NSD2: variants seen among roughly 807,000 people sequenced by gnomAD.
The protein encoded by NSD2 is histone-lysine N-methyltransferase NSD2.
A neutral mutation model predicts 139.0 loss-of-function variants in NSD2; 12 were observed. The ratio of observed to expected loss-of-function variants is 0.09; its 90% CI spans 0.06 to 0.14. NSD2 has a LOEUF of 0.14. Among genes scored for constraint, NSD2 ranks in the 10% least tolerant of loss-of-function variants. The pLI, the probability that NSD2 is intolerant of heterozygous loss-of-function variation, is 1.00. For missense variants in NSD2, 1,155 were observed against 1,745.0 expected, an observed-to-expected ratio of 0.66 and a Z score of 6.02; for synonymous variants, 669 against 648.7, an observed-to-expected ratio of 1.03 and a Z score of -0.48.
chr4:1,954,994 G>T (rs1724654581), intron 12 of NSD2, among the ~76,000 whole-genome samples, 167 bp from the exon 13 acceptor site: 1 of 152,212 alleles, frequency 6.6e-6, no homozygotes, highest in African/African-American at 2.4e-5. Context: ...TCTCAAACAT[G>T]GTTTTGAAGC....
In NSD2 at chr4:1,943,885, A is replaced by G. The variant is rs751014140; in HGVS notation, c.1881+4107A>G. The G allele has an allele frequency of 3.7e-5, 39 of 1,063,360 alleles. No individual in the cohort carries two copies. The Middle Eastern group carries it at 1.2e-3, about 34-fold the overall frequency. 65.9% of individuals were successfully genotyped at this position (1,063,360 alleles called of 1,614,324 possible). On this transcript the variant is annotated intron_variant, in intron 9 of 21. Coordinates refer to ENST00000508803, the MANE Select transcript of NSD2 (RefSeq NM_001042424.3). ...GAAATTACAGCATGATGAATTTTGC[A>G]TGGGTGGCCAGCCAGCTAGCCCATA...
intron 11 of NSD2, chr4:1,952,862 A>G: frequency 7.6e-7 from 1 of 1,315,858 alleles, no homozygotes; most frequent in Non-Finnish European, 9.7e-7. Flanking sequence ...CTCACGTCAG[A>G]ACACTTCCTG....
intron 9 of NSD2, chr4:1,940,800 C>T (rs1421686547): frequency 9.4e-7 from 1 of 1,058,410 alleles, no homozygotes; most frequent in Non-Finnish European, 1.1e-6. Context: ...CAGTTGTTTC[C>T]ACTCATTAGA....
In NSD2 at chr4:1,908,257, G is replaced by A. The variant is rs1482127978; in HGVS notation, c.760+3879G>A. ...CAGAAAGGCCAGGTTGGATCTCACA[G>A]TTGGAACCTTGAAAGGTAGCTTTGG... On this transcript the variant is annotated intron_variant, in intron 3 of 21. Coordinates refer to ENST00000508803, the MANE Select transcript of NSD2 (RefSeq NM_001042424.3). Among the ~76,000 whole-genome samples, 12 of 152,350 alleles carry A rather than the reference G, an allele frequency of 7.9e-5. No individual in the cohort carries two copies. The East Asian group carries it at 2.1e-3, about 27-fold the overall frequency.
At chr4:1,884,155 G>GCC (rs1483031049) in intron 1 of NSD2, among the ~76,000 whole-genome samples, 32 of 151,612 alleles carry the variant, frequency 2.1e-4, no homozygotes, top group East Asian at 5.8e-4. Context: ...GAGTGCAGTG[G>GCC]CATGATCTTG....
chr4:1,955,373 C>T lies in NSD2; in HGVS notation c.2518+33C>T. 1 of 1,582,784 alleles carries T rather than the reference C, an allele frequency of 6.3e-7. No homozygotes were observed. The highest frequency in any genetic ancestry group is 8.6e-7 in the Non-Finnish European group (1 of 1,160,862). On this transcript the variant is annotated intron_variant, in intron 13 of 21. Coordinates refer to ENST00000508803, the MANE Select transcript of NSD2 (RefSeq NM_001042424.3). The surrounding 1 kb of genome is among the most constrained non-coding windows in gnomAD (Gnocchi z 4.7). The stretch of plus-strand genomic sequence containing the variant: ...GCCTGGGGGTGTCTGCGGCACACGC[C>T]TCTCACACTCCCAGGAGCCACATAT...
In NSD2 at chr4:1,918,195, C is replaced by G. The variant is rs761932000; in HGVS notation, c.982C>G (p.Gln328Glu). The G allele has an allele frequency of 1.9e-6, 3 of 1,612,956 alleles. No homozygotes were observed. Among genetic ancestry groups the G allele is most frequent in the Non-Finnish European group, 2.5e-6 (3 of 1,179,904 alleles). The change falls in exon 5 of 22, where the codon CAA (glutamine) becomes GAA (glutamate). Residue 328 changes from glutamine to glutamate, a missense_variant. By Grantham distance (29) the Gln-to-Glu change is conservative (BLOSUM62 2). This residue lies in a region of NSD2 where 420 missense variants were observed against 469.0 expected (regional missense o/e 0.90). Coordinates refer to ENST00000508803, the MANE Select transcript of NSD2 (RefSeq NM_001042424.3). ...LRAQWEMGIV[Q>E]AEEAASMSVE... ...GGCCCAGTGGGAAATGGGCATTGTT[C>G]AAGCAGAAGAAGCTGCAAGCATGTC...
intron 1 of NSD2, chr4:1,892,277 CA>C (rs1276161506): frequency 6.6e-6 from 1 of 151,904 alleles, no homozygotes; most frequent in Non-Finnish European, 1.5e-5. Context: ...TGAGCCCCCA[CA>C]CCCGGCCTGA....
At position 1,959,611 on chromosome 4, in the gene NSD2, C is replaced by T. The variant is rs886059318; in HGVS notation, c.3126C>T (p.His1042=). ...ACAGGATGCTGATGTTTGAGTGCCA[C>T]CCGCAGGTGTGTCCCGCGGGCGAGT... ...CLNRMLMFEC[H]PQVCPAGEFC... The change falls in exon 17 of 22, where the codon CAC becomes CAT. Residue 1042 remains histidine (H), a synonymous_variant. Coordinates refer to ENST00000508803, the MANE Select transcript of NSD2 (RefSeq NM_001042424.3). 6.2e-7 allele frequency: 1 copy of T among 1,614,054 alleles called. No homozygotes were observed. Among genetic ancestry groups the T allele is most frequent in the Non-Finnish European group, 8.5e-7 (1 of 1,180,034 alleles).
chr4:1,974,666 G>T lies in NSD2; in HGVS notation c.3373-197G>T. On this transcript the variant is annotated intron_variant, in intron 18 of 21. Coordinates refer to ENST00000508803, the MANE Select transcript of NSD2 (RefSeq NM_001042424.3). This position sits in a 1 kb window ranked among gnomAD's most constrained non-coding sequence, Gnocchi z 4.0. ...CACTAAGGCTCGGTCCTCTCCACGT[G>T]GTCCTGACCTGTCCTCTGTGAGCAA... 1 of 813,446 alleles carries T rather than the reference G, an allele frequency of 1.2e-6. No individual in the cohort carries two copies. The highest frequency in any genetic ancestry group is 2.5e-5 in the East Asian group (1 of 40,248). 50.4% of individuals were successfully genotyped at this position (813,446 alleles called of 1,614,324 possible).
At chr4:1,928,259 C>T (rs1183572168) in intron 5 of NSD2, among the ~76,000 whole-genome samples, 1 of 152,096 alleles carries the variant, frequency 6.6e-6, no homozygotes, top group East Asian at 1.9e-4. Context: ...TATCACATGT[C>T]AGATACCTTG....
intron 6 of NSD2, among the ~76,000 whole-genome samples, chr4:1,930,982 G>C (rs1419892156): frequency 6.6e-6 from 1 of 152,156 alleles, no homozygotes; most frequent in Non-Finnish European, 1.5e-5. Flanking sequence ...TCAATGTAGT[G>C]CCTTCTGGCC....
chr4:1,906,228 G>A (rs1297543650), intron 3 of NSD2, among the ~76,000 whole-genome samples: 2 of 152,004 alleles, frequency 1.3e-5, no homozygotes, highest in East Asian at 3.9e-4. Context: ...CTTCCTATTA[G>A]GGCTTATTAC....
chr4:1,873,642 A>C (rs1252344882), intron 1 of NSD2, among the ~76,000 whole-genome samples: 2 of 152,242 alleles, frequency 1.3e-5, no homozygotes, highest in Non-Finnish European at 2.9e-5. Flanking sequence ...TATTCAGATT[A>C]TCTTCTCCTT....
chr4:1,916,119 C>G (rs978032755), intron 3 of NSD2, among the ~76,000 whole-genome samples: 4 of 152,202 alleles, frequency 2.6e-5, no homozygotes, highest in South Asian at 2.1e-4. Flanking sequence ...TCTGAGGCCA[C>G]TGATGCTCCT....
chr4:1,873,827 A>T (rs58007182), intron 1 of NSD2, among the ~76,000 whole-genome samples: 6,343 of 152,300 alleles, frequency 0.042, 444 homozygotes, highest in African/African-American at 0.15. Flanking sequence ...TGAAGTTCAT[A>T]ATCCAAACGT....
At position 1,953,531 on chromosome 4, in the gene NSD2, G is replaced by A; in HGVS notation, c.2338+7G>A. 12 of 1,599,672 alleles carry A rather than the reference G, an allele frequency of 7.5e-6. No homozygotes were observed. Among genetic ancestry groups the A allele is most frequent in the Non-Finnish European group, 1.0e-5 (12 of 1,173,800 alleles). ...AACCCAAGGCCGTCAAAAGGTACAG[G>A]TGCACCTGCGCAGCCTTGCTGTGGG... On this transcript the variant is annotated splice_region_variant and intron_variant, in intron 12 of 21. Coordinates refer to ENST00000508803, the MANE Select transcript of NSD2 (RefSeq NM_001042424.3).
At chr4:1,904,000 C>T (rs529137247) in intron 2 of NSD2, among the ~76,000 whole-genome samples, 1 of 152,266 alleles carries the variant, frequency 6.6e-6, no homozygotes, top group African/African-American at 2.4e-5. Context: ...TCCCAAAGTG[C>T]TGGGACTACA....
At chr4:1,874,992 T>C (rs1714141942) in intron 1 of NSD2, among the ~76,000 whole-genome samples, 1 of 152,204 alleles carries the variant, frequency 6.6e-6, no homozygotes, top group South Asian at 2.1e-4. Flanking sequence ...AGATAGGGTC[T>C]CACCTGTTAC....
Sources: allele counts gnomAD v4.1 joint callset (sites outside exome capture counted in the v4.1 genomes callset), GRCh38; gene constraint gnomAD v4.1.1; regional missense constraint gnomAD v4.1.1; non-coding constraint Gnocchi (gnomAD v3.1); transcripts MANE v1.5; gene names NCBI Gene and HGNC (gene_info 2026-07-23, HGNC 2026-07-21).